The following SHLD1 variants were observed in gnomAD, a reference collection of about 807,000 sequenced individuals.
SHLD1 encodes the protein shieldin complex subunit 1, also known as RINN1-REV7-interacting novel NHEJ regulator 3.
In SHLD1, 3 loss-of-function variants were observed where a neutral mutation model predicts 5.5. That is an observed-to-expected ratio of 0.54 (90% CI 0.25 to 1.40). The LOEUF (loss-of-function observed/expected upper bound fraction) is 1.40. Among genes scored for constraint, SHLD1 ranks in the 40% most tolerant of loss-of-function variants. The pLI is 0.15. For synonymous variants in SHLD1, 92 were observed against 94.3 expected (o/e 0.98, Z 0.14); for missense variants, 210 against 244.4 (o/e 0.86, Z 0.94).
At chr20:5,801,830 C>T (rs1279969577) in intron 2 of SHLD1, among the ~76,000 whole-genome samples, 2 of 152,100 alleles carry the variant, frequency 1.3e-5, no homozygotes, top group Non-Finnish European at 2.9e-5. Context: ...AGGAGGAGTG[C>T]TCTATTTTAA....
chr20:5,760,469 G>T (rs769354791), intron 1 of SHLD1, among the ~76,000 whole-genome samples: 2 of 152,010 alleles, frequency 1.3e-5, no homozygotes, highest in Non-Finnish European at 2.9e-5. Context: ...GAGACGGGTG[G>T]ATCACCTAAG....
At chr20:5,770,401 T>G (rs1985090156) in intron 1 of SHLD1, among the ~76,000 whole-genome samples, 1 of 152,230 alleles carries the variant, frequency 6.6e-6, no homozygotes, top group African/African-American at 2.4e-5. Context: ...GGTTTAGTTT[T>G]TTCTTCATCT....
chr20:5,837,503 C>T (rs1020073164), intron 2 of SHLD1, among the ~76,000 whole-genome samples: 1 of 149,918 alleles, frequency 6.7e-6, no homozygotes, highest in Admixed American at 6.7e-5. Context: ...GTGTGTTGTT[C>T]CCCTCCATGT....
At position 5,779,619 on chromosome 20, in the gene SHLD1, T is replaced by G. The variant is rs576035309; in HGVS notation, c.178+6576T>G. On this transcript the variant is annotated intron_variant, in intron 2 of 2. Coordinates refer to ENST00000303142, the MANE Select transcript of SHLD1 (RefSeq NM_152504.4). ...CTCCAGTTCCCAAGCCAGTTTGATG[T>G]TCTCTCTTGCTTACTTGCTGTTATG... Among the ~76,000 whole-genome samples, 3 of 152,326 alleles carry G rather than the reference T, an allele frequency of 2.0e-5. No homozygotes were observed. The South Asian group carries it at 6.2e-4, about 32-fold the overall frequency.
chr20:5,773,116 C>T (rs1985263758), intron 2 of SHLD1, 73 bp downstream of exon 2: 1 of 1,498,108 alleles, frequency 6.7e-7, no homozygotes, highest in Non-Finnish European at 9.3e-7. Flanking sequence ...TAGTTTGTTT[C>T]TCTCTCTTCC....
At chr20:5,860,876 T>TAAAAAAAAAAAAA in intron 2 of SHLD1, among the ~76,000 whole-genome samples, 1 of 100,788 alleles carries the variant, frequency 9.9e-6, no homozygotes, top group Non-Finnish European at 1.9e-5. Context: ...TACTATTCTT[T>TAAAAAAAAAAAAA]AAAAAAAAAA....
intron 2 of SHLD1, among the ~76,000 whole-genome samples, chr20:5,849,112 G>T (rs1210287299): frequency 6.6e-6 from 1 of 152,218 alleles, no homozygotes; most frequent in Non-Finnish European, 1.5e-5. Flanking sequence ...GGAAGGCAGG[G>T]TTGCTATTAG....
Position 5,806,832 on chromosome 20 carries a change from GATGGTT to G in SHLD1, c.178+33790_178+33795del, listed in dbSNP as rs1456739366. 6.6e-6 allele frequency among the ~76,000 whole-genome samples: 1 copy of G among 152,238 alleles called. No individual in the cohort carries two copies. Among genetic ancestry groups the G allele is most frequent in the Non-Finnish European group, 1.5e-5 (1 of 68,044 alleles). ...GGGATGTGAACAGAGTGGTGGCAGT[GATGGTT>G]GCCAGCCCTCTGTCACCACCCTCTC... On this transcript the variant is annotated intron_variant, in intron 2 of 2. Transcript: ENST00000303142. This position sits in a 1 kb window ranked among gnomAD's most constrained non-coding sequence, Gnocchi z 7.6.
intron 2 of SHLD1, among the ~76,000 whole-genome samples, chr20:5,803,068 C>A (rs900101116): frequency 6.6e-6 from 1 of 152,162 alleles, no homozygotes; most frequent in Non-Finnish European, 1.5e-5. Flanking sequence ...CAATAAGCAA[C>A]TCAAGAGGGG....
intron 2 of SHLD1, among the ~76,000 whole-genome samples, chr20:5,786,932 C>T (rs1033131284): frequency 4.6e-5 from 7 of 152,276 alleles, no homozygotes; most frequent in Non-Finnish European, 8.8e-5. Context: ...AGGATCCTCT[C>T]ATGTGTGCCT....
chr20:5,820,630 A>G (rs752063696), intron 2 of SHLD1, among the ~76,000 whole-genome samples: 1 of 152,260 alleles, frequency 6.6e-6, no homozygotes, highest in Non-Finnish European at 1.5e-5. Flanking sequence ...TTAAAAAAGG[A>G]TAGTTGTGAA....
At chr20:5,768,243 G>A (rs1568492365) in intron 1 of SHLD1, among the ~76,000 whole-genome samples, 4 of 152,162 alleles carry the variant, frequency 2.6e-5, no homozygotes, top group Non-Finnish European at 5.9e-5. Context: ...CAAAGTGCTG[G>A]GATTACAGCA....
At chr20:5,758,997 C>T (rs113500316) in intron 1 of SHLD1, among the ~76,000 whole-genome samples, 4,308 of 148,572 alleles carry the variant, frequency 0.029, 80 homozygotes, top group Non-Finnish European at 0.042. Context: ...CACTGCCCAC[C>T]GGGATAGAGT....
intron 1 of SHLD1, among the ~76,000 whole-genome samples, chr20:5,763,515 T>G (rs1317324530): frequency 6.6e-6 from 1 of 152,192 alleles, no homozygotes; most frequent in African/African-American, 2.4e-5. Flanking sequence ...TCTTATCTTC[T>G]GTAAAGTGCC....
At chr20:5,758,489 G>A (rs1335315052) in intron 1 of SHLD1, among the ~76,000 whole-genome samples, 1 of 151,726 alleles carries the variant, frequency 6.6e-6, no homozygotes, top group Non-Finnish European at 1.5e-5. Context: ...CACGATCTCA[G>A]CTCACTGCAA....
At chr20:5,832,311 C>G (rs376074602) in intron 2 of SHLD1, among the ~76,000 whole-genome samples, 1 of 152,172 alleles carries the variant, frequency 6.6e-6, no homozygotes, top group Non-Finnish European at 1.5e-5. Context: ...AAAAGCTCCT[C>G]GGGCAGAGTG....
At chr20:5,845,212 T>C (rs533651899) in intron 2 of SHLD1, among the ~76,000 whole-genome samples, 20 of 152,340 alleles carry the variant, frequency 1.3e-4, no homozygotes, top group African/African-American at 3.8e-4. Flanking sequence ...GTTACTAAGG[T>C]ACTAATTATA....
intron 2 of SHLD1, among the ~76,000 whole-genome samples, chr20:5,832,298 G>A (rs898533688): frequency 6.6e-6 from 1 of 152,154 alleles, no homozygotes; most frequent in Non-Finnish European, 1.5e-5. Context: ...TCTCCACATT[G>A]TTAAAAGCTC....
At chr20:5,860,165 G>A (rs1357617472) in intron 2 of SHLD1, among the ~76,000 whole-genome samples, 1 of 151,926 alleles carries the variant, frequency 6.6e-6, no homozygotes, top group African/African-American at 2.4e-5. Flanking sequence ...AGGTAGGAAG[G>A]GACCCTTCAT....
Sources: gnomAD v4.1 joint callset for allele counts (sites outside exome capture counted in the v4.1 genomes callset) on GRCh38, gnomAD v4.1.1 for gene constraint, Gnocchi (gnomAD v3.1) non-coding constraint, MANE v1.5 for transcripts, NCBI Gene and HGNC (gene_info 2026-07-23, HGNC 2026-07-21) for gene names.